Variants in OTOF observed in about 807,000 individuals in gnomAD.
OTOF encodes otoferlin, also known as fer-1-like family member 2.
Under a neutral mutation model 236.8 loss-of-function variants are expected in OTOF, and 218 were observed. The ratio of observed to expected loss-of-function variants is 0.92; its 90% CI spans 0.82 to 1.03. The LOEUF (loss-of-function observed/expected upper bound fraction) is 1.03. Among genes scored for constraint, OTOF ranks in the 50% least tolerant of loss-of-function variants. The pLI is 0.00. For synonymous variants in OTOF, 1,041 were observed against 1,072.5 expected (o/e 0.97, Z 0.57); for missense variants, 2,590 against 2,694.4 (o/e 0.96, Z 0.86).
At chr2:26,505,615 C>G (rs75182815) in intron 5 of OTOF, among the ~76,000 whole-genome samples, 2,784 of 152,320 alleles carry the variant, frequency 0.018, 82 homozygotes, top group African/African-American at 0.064. Context: ...GGACAATAAT[C>G]GCGAGGTCAC....
Position 26,464,862 on chromosome 2 carries a change from C to A in OTOF, c.4960+7G>T. ...GGGGCAGGCGGCTGCATCCAGTGCCCCATTACCGTTCTCGTCCTCAATCTC... is the reference window on the plus strand; with the variant it reads ...GGGGCAGGCGGCTGCATCCAGTGCCACATTACCGTTCTCGTCCTCAATCTC... On this transcript the variant is annotated splice_region_variant and intron_variant, in intron 39 of 46. Coordinates refer to ENST00000272371, the MANE Select transcript of OTOF (RefSeq NM_194248.3). 6.2e-7 allele frequency: 1 copy of A among 1,602,970 alleles called. No individual in the cohort carries two copies. The highest frequency in any genetic ancestry group is 1.1e-5 in the South Asian group (1 of 88,384).
In OTOF at chr2:26,479,610, C is replaced by T. The variant is rs1308917640; in HGVS notation, c.1956G>A (p.Arg652=). The T allele has an allele frequency of 6.2e-7, 1 of 1,612,618 alleles. No individual in the cohort carries two copies. Among genetic ancestry groups the T allele is most frequent in the Non-Finnish European group, 8.5e-7 (1 of 1,179,768 alleles). The change falls in exon 17 of 47, where the codon CGG becomes CGA. Residue 652 remains arginine, a synonymous_variant. Transcript: ENST00000272371. ...CCCCCGGCTCCTTCCGGGGCCGAGG[C>T]CGCTGGGGCCGGGACAGGCCATCAA... ...NEVDGLSRPQ[R]PRPRKEPGDE...
chr2:26,471,262 T>C (rs1664963581), intron 30 of OTOF, 112 bp from the exon 31 acceptor site: 1 of 1,266,208 alleles, frequency 7.9e-7, no homozygotes, highest in African/African-American at 1.5e-5. Flanking sequence ...TACTGTGTGC[T>C]GGCAGCCCCT....
intron 26 of OTOF, 77 bp from the exon 27 acceptor site, chr2:26,474,187 G>T (rs1033435668): frequency 1.3e-6 from 2 of 1,587,016 alleles, no homozygotes; most frequent in Non-Finnish European, 1.7e-6. Flanking sequence ...TGTTTGCCAT[G>T]ATCTGGGGAG....
At chr2:26,479,749 G>T in intron 16 of OTOF, 96 bp from the exon 17 acceptor site, 1 of 1,251,870 alleles carries the variant, frequency 8.0e-7, no homozygotes, top group South Asian at 1.3e-5. Context: ...GGAAAGGGGA[G>T]AGGGAGAGTC....
At chr2:26,556,711 T>G (rs1292208320) in intron 1 of OTOF, among the ~76,000 whole-genome samples, 2 of 152,110 alleles carry the variant, frequency 1.3e-5, no homozygotes, top group Non-Finnish European at 2.9e-5. Flanking sequence ...TCCTGAGAGC[T>G]GGGACCACCG....
In OTOF at chr2:26,476,258, C is replaced by T; in HGVS notation, c.2736G>A (p.Leu912=). Residue 912 remains leucine (L), a synonymous_variant, in exon 23 of 47, where the codon CTG becomes CTA. Transcript: ENST00000272371. ...GTTTGCTGAGGCCCAGCCACAGGTA[C>T]AGCTCCACCTTGGCCTGCACTGTCC... is the stretch of plus-strand genomic sequence containing the variant. ...AGWTVQAKVE[L]YLWLGLSKQR... is the part of the protein sequence containing the mutation. The T allele has an allele frequency of 6.2e-7, 1 of 1,606,276 alleles. No homozygotes were observed. Among genetic ancestry groups the T allele is most frequent in the South Asian group, 1.1e-5 (1 of 91,044 alleles).
chr2:26,462,254 G>T lies in OTOF; in HGVS notation c.5193-73C>A. The T allele has an allele frequency of 7.7e-7, 1 of 1,306,038 alleles. No individual in the cohort carries two copies. Among genetic ancestry groups the T allele is most frequent in the Admixed American group, 1.7e-5 (1 of 59,652 alleles). 80.9% of individuals were successfully genotyped at this position (1,306,038 alleles called of 1,614,324 possible). ...TGCCAGGGTGCCAGGGCTGGGATGGGGCAGGCGGAGAGAAGCCCTGGGGTC... is the reference window on the plus strand; with the variant it reads ...TGCCAGGGTGCCAGGGCTGGGATGGTGCAGGCGGAGAGAAGCCCTGGGGTC... On this transcript the variant is annotated intron_variant, in intron 41 of 46. Coordinates refer to ENST00000272371, the MANE Select transcript of OTOF (RefSeq NM_194248.3). This position sits in a 1 kb window ranked among gnomAD's most constrained non-coding sequence, Gnocchi z 4.7.
chr2:26,505,616 G>A lies in OTOF; in HGVS notation c.510-1771C>T, dbSNP rs150726960. Among the ~76,000 whole-genome samples the A allele has an allele frequency of 7.0e-4, 107 of 152,312 alleles. 1 individual carries two copies. Among genetic ancestry groups the A allele is most frequent in the Non-Finnish European group, 1.1e-3 (78 of 68,034 alleles). ...GAGGCTCAGAGAGGGGACAATAATC[G>A]CGAGGTCACACGGTGAGTGGCAGAA... On this transcript the variant is annotated intron_variant, in intron 5 of 46. Coordinates refer to ENST00000272371, the MANE Select transcript of OTOF (RefSeq NM_194248.3).
Position 26,473,987 on chromosome 2 carries a change from G to A in OTOF, c.3408+4C>T, listed in dbSNP as rs768446845. 2.4e-5 allele frequency: 39 copies of A among 1,612,700 alleles called. No individual in the cohort carries two copies. The highest frequency in any genetic ancestry group is 3.1e-5 in the Non-Finnish European group (36 of 1,179,864). On this transcript the variant is annotated splice_donor_region_variant and intron_variant, in intron 27 of 46. Coordinates refer to ENST00000272371, the MANE Select transcript of OTOF (RefSeq NM_194248.3). The surrounding 1 kb of genome is among the most constrained non-coding windows in gnomAD (Gnocchi z 7.2). Reference sequence around the variant, plus strand: ...AAGGGAAGGGCCACACAGAGCCCTCGCACCTCCACTCGGTACTTGCTGAGC... The same window carrying A: ...AAGGGAAGGGCCACACAGAGCCCTCACACCTCCACTCGGTACTTGCTGAGC...
At chr2:26,523,874 C>T (rs934355087) in intron 3 of OTOF, among the ~76,000 whole-genome samples, 1 of 152,242 alleles carries the variant, frequency 6.6e-6, no homozygotes, top group Admixed American at 6.5e-5. Context: ...CCTCATTGCT[C>T]CTCTGGCCTG....
chr2:26,481,345 A>T (rs1203808406), intron 14 of OTOF, among the ~76,000 whole-genome samples: 1 of 152,134 alleles, frequency 6.6e-6, no homozygotes, highest in Non-Finnish European at 1.5e-5. Context: ...GCCCTGTGCC[A>T]TTTTTGCAGC....
intron 3 of OTOF, among the ~76,000 whole-genome samples, chr2:26,523,250 C>G (rs1666723506): frequency 6.6e-6 from 1 of 152,254 alleles, no homozygotes; most frequent in Admixed American, 6.5e-5. Context: ...ACATTTCTTT[C>G]TCATGGGGAA....
intron 2 of OTOF, among the ~76,000 whole-genome samples, chr2:26,533,806 T>A (rs1667005558): frequency 6.6e-6 from 1 of 151,986 alleles, no homozygotes; most frequent in Non-Finnish European, 1.5e-5. Flanking sequence ...TCGGCAACAT[T>A]TTCTCAACTC....
chr2:26,466,978 T>A, intron 35 of OTOF, 121 bp downstream of exon 35: 2 of 1,542,354 alleles, frequency 1.3e-6, no homozygotes, highest in South Asian at 1.1e-5. Context: ...TGCTGAGTCA[T>A]GGGAGAGTCC....
At chr2:26,502,260 G>T in intron 7 of OTOF, 40 bp downstream of exon 7, 1 of 1,612,254 alleles carries the variant, frequency 6.2e-7, no homozygotes, top group Non-Finnish European at 8.5e-7. Flanking sequence ...TGCCTGACAG[G>T]GTGGGGGCAG....
At chr2:26,486,234 G>A (rs1373196150) in intron 11 of OTOF, among the ~76,000 whole-genome samples, 1 of 149,470 alleles carries the variant, frequency 6.7e-6, no homozygotes, top group Non-Finnish European at 1.5e-5. Flanking sequence ...GGATAGATGG[G>A]TGGGTAGATA....
In OTOF at chr2:26,502,360, T is replaced by A. The variant is rs1307457278; in HGVS notation, c.650A>T (p.Asp217Val). ...HLAIRLGDGLDPDSVSLASVT... is the reference protein window; with the variant it reads ...HLAIRLGDGLVPDSVSLASVT... ...TGAGGCTAGAGACACCGAGTCGGGATCCAGTCCATCTCCTAGCCGAATGGC... is the reference window on the plus strand; with the variant it reads ...TGAGGCTAGAGACACCGAGTCGGGAACCAGTCCATCTCCTAGCCGAATGGC... The change falls in exon 7 of 47, where the codon GAT becomes GTT. Residue 217 changes from aspartate (D) to valine (V), a missense_variant. Asp to Val is a radical substitution (Grantham distance 152). Around this residue, in one of 2 missense-constraint regions of OTOF, gnomAD observed 1,379 missense variants for 1,341.6 expected, o/e 1.03. Transcript: ENST00000272371. 1 of 1,613,916 alleles carries A rather than the reference T, an allele frequency of 6.2e-7. No homozygotes were observed. Among genetic ancestry groups the A allele is most frequent in the Admixed American group, 1.7e-5 (1 of 60,020 alleles).
In OTOF at chr2:26,476,050, G is replaced by A. The variant is rs755143415; in HGVS notation, c.2867-12C>T. 5.6e-6 allele frequency: 9 copies of A among 1,612,472 alleles called. No individual in the cohort carries two copies. Among genetic ancestry groups the A allele is most frequent in the Non-Finnish European group, 6.8e-6 (8 of 1,179,840 alleles). On this transcript the variant is annotated splice_polypyrimidine_tract_variant and intron_variant, in intron 23 of 46. Transcript: ENST00000272371. ...GAACGCCTGCTTCTCTGTGGGGAAG[G>A]GCAGCCTGAGGTTCCAGGATGGGCA...
Sources: allele counts gnomAD v4.1 joint callset (sites outside exome capture counted in the v4.1 genomes callset), GRCh38; gene constraint gnomAD v4.1.1; regional missense constraint gnomAD v4.1.1; non-coding constraint Gnocchi (gnomAD v3.1); transcripts MANE v1.5; gene names NCBI Gene and HGNC (gene_info 2026-07-23, HGNC 2026-07-21).